RABGAP1L: variants seen among roughly 807,000 people sequenced by gnomAD.
RABGAP1L encodes the protein RAB GTPase activating protein 1 like.
Under a neutral mutation model 137.7 loss-of-function variants are expected in RABGAP1L, and 63 were observed. That is an observed-to-expected ratio of 0.46 (90% CI 0.37 to 0.56). The LOEUF is 0.56. Ranked by LOEUF, RABGAP1L falls within the 20% of genes least tolerant of loss-of-function variation. RABGAP1L has a pLI of 0.00. For synonymous variants in RABGAP1L, 431 were observed against 433.7 expected (o/e 0.99, Z 0.08); for missense variants, 1,095 against 1,244.0 (o/e 0.88, Z 1.80).
At chr1:174,616,191 A>C (rs1196240253) in intron 13 of RABGAP1L, among the ~76,000 whole-genome samples, 1 of 152,198 alleles carries the variant, frequency 6.6e-6, no homozygotes, top group African/African-American at 2.4e-5. Flanking sequence ...GGAGCTGTAG[A>C]CAGAGCTGTT....
At chr1:174,977,269 G>A (rs915236789) in intron 22 of RABGAP1L, among the ~76,000 whole-genome samples, 2 of 152,062 alleles carry the variant, frequency 1.3e-5, no homozygotes, top group East Asian at 1.9e-4. Flanking sequence ...CATTTACAGC[G>A]GCCCAGGATA....
At chr1:174,327,992 T>TATATATATATATATATACATAC (rs1680656314) in intron 11 of RABGAP1L, among the ~76,000 whole-genome samples, 1 of 57,592 alleles carries the variant, frequency 1.7e-5, no homozygotes, top group African/African-American at 8.1e-5. Flanking sequence ...CACACATATA[T>TATATATATATATATATACATAC]ATATATATAT....
At position 174,497,528 on chromosome 1, in the gene RABGAP1L, C is replaced by T. The variant is rs79175505; in HGVS notation, c.1710+103383C>T. 3.2e-4 allele frequency among the ~76,000 whole-genome samples: 49 copies of T among 152,300 alleles called. No individual in the cohort carries two copies. The East Asian group carries it at 8.9e-3, about 28-fold the overall frequency. The stretch of plus-strand genomic sequence containing the variant: ...CTGTCTTCCCATGTTCCTTCTCCCC[C>T]ACTCCCTTGTCCCATTTGGTTTTCT... On this transcript the variant is annotated intron_variant, in intron 13 of 25. Coordinates refer to ENST00000681986, the MANE Select transcript of RABGAP1L (RefSeq NM_001366446.1).
intron 11 of RABGAP1L, chr1:174,367,744 C>A: frequency 5.1e-6 from 1 of 195,168 alleles, no homozygotes. Context: ...TTTCTAACTG[C>A]AAGTCCAGTG....
intron 17 of RABGAP1L, among the ~76,000 whole-genome samples, chr1:174,726,925 ATCGTGTTCTG>A (rs1444268308): frequency 6.6e-6 from 1 of 152,148 alleles, no homozygotes. Context: ...TTTGGTACTC[ATCGTGTTCTG>A]TCTTAATTTT....
At chr1:174,693,248 T>G (rs1212035023) in intron 15 of RABGAP1L, among the ~76,000 whole-genome samples, 2 of 152,218 alleles carry the variant, frequency 1.3e-5, no homozygotes, top group Admixed American at 1.3e-4. Flanking sequence ...CCCACTGCAC[T>G]TAGAATACAT....
intron 13 of RABGAP1L, among the ~76,000 whole-genome samples, chr1:174,471,153 C>A (rs191958045): frequency 6.6e-6 from 1 of 152,128 alleles, no homozygotes; most frequent in African/African-American, 2.4e-5. Flanking sequence ...TTTCTATATT[C>A]GTGTATGTTT....
At chr1:174,694,001 C>T (rs1183481359) in intron 15 of RABGAP1L, among the ~76,000 whole-genome samples, 1 of 151,988 alleles carries the variant, frequency 6.6e-6, no homozygotes, top group Non-Finnish European at 1.5e-5. Flanking sequence ...ACATTAATAA[C>T]AGTGTAACAA....
chr1:174,738,107 A>C (rs1327616486), intron 17 of RABGAP1L, among the ~76,000 whole-genome samples: 2 of 152,084 alleles, frequency 1.3e-5, no homozygotes, highest in African/African-American at 4.8e-5. Context: ...ACATCTCTTT[A>C]ATGGGATTGG....
chr1:174,283,795 C>T (rs1181652845), intron 10 of RABGAP1L, among the ~76,000 whole-genome samples: 1 of 152,230 alleles, frequency 6.6e-6, no homozygotes, highest in Non-Finnish European at 1.5e-5. Context: ...GCGTGAGCCA[C>T]TGCACCTGTC....
chr1:174,610,534 T>C (rs980567016), intron 13 of RABGAP1L, among the ~76,000 whole-genome samples: 9 of 152,130 alleles, frequency 5.9e-5, no homozygotes, highest in African/African-American at 1.9e-4. Context: ...CGTGTCTTTA[T>C]AGCAGCATGA....
intron 13 of RABGAP1L, among the ~76,000 whole-genome samples, chr1:174,611,854 GT>G: frequency 6.6e-6 from 1 of 152,178 alleles, no homozygotes; most frequent in East Asian, 1.9e-4. Context: ...TTGGCTCTCT[GT>G]TTGTCTGTTA....
chr1:174,682,001 C>T (rs1678097787), intron 14 of RABGAP1L, among the ~76,000 whole-genome samples: 2 of 152,090 alleles, frequency 1.3e-5, no homozygotes, highest in Non-Finnish European at 2.9e-5. Flanking sequence ...ATTTGGCAGG[C>T]CGGGCATGGT....
intron 11 of RABGAP1L, among the ~76,000 whole-genome samples, chr1:174,342,499 C>G (rs1347220909): frequency 2.0e-5 from 3 of 152,020 alleles, no homozygotes; most frequent in Non-Finnish European, 4.4e-5. Flanking sequence ...AATAAATTAA[C>G]AAAACTGTAA....
chr1:174,531,930 C>G (rs1055537953), intron 13 of RABGAP1L, among the ~76,000 whole-genome samples: 7 of 151,980 alleles, frequency 4.6e-5, no homozygotes, highest in Non-Finnish European at 8.8e-5. Flanking sequence ...TATTTCCAAC[C>G]TAGAATTTTA....
intron 11 of RABGAP1L, among the ~76,000 whole-genome samples, chr1:174,356,961 A>C (rs1365318216): frequency 6.6e-6 from 1 of 151,160 alleles, no homozygotes; most frequent in African/African-American, 2.4e-5. Context: ...CATTGAGCAC[A>C]TGTTTAGATT....
At chr1:174,659,366 T>C (rs532773342) in intron 14 of RABGAP1L, among the ~76,000 whole-genome samples, 1 of 152,294 alleles carries the variant, frequency 6.6e-6, no homozygotes, top group South Asian at 2.1e-4. Context: ...AATGGTGTGG[T>C]CAGAACACAA....
chr1:174,611,499 A>G (rs1206686163), intron 13 of RABGAP1L, among the ~76,000 whole-genome samples: 11 of 149,532 alleles, frequency 7.4e-5, no homozygotes, highest in Non-Finnish European at 1.6e-4. Flanking sequence ...TGATGCCTCC[A>G]GCTTTGTTCT....
chr1:174,560,279 C>T (rs1667127687), intron 13 of RABGAP1L, among the ~76,000 whole-genome samples: 1 of 152,176 alleles, frequency 6.6e-6, no homozygotes, highest in South Asian at 2.1e-4. Flanking sequence ...GTGTCTCCAC[C>T]TTCACCCCCT....
Sources: allele counts gnomAD v4.1 joint callset (sites outside exome capture counted in the v4.1 genomes callset), GRCh38; gene constraint gnomAD v4.1.1; transcripts MANE v1.5; gene names NCBI Gene and HGNC (gene_info 2026-07-23, HGNC 2026-07-21).